XKR9: variants seen among roughly 807,000 people sequenced by gnomAD.
The protein encoded by XKR9 is XK related 9.
In XKR9, 32 loss-of-function variants were observed where a neutral mutation model predicts 32.0. The observed-to-expected ratio is 1.00, with a 90% CI of 0.76 to 1.34. The LOEUF (loss-of-function observed/expected upper bound fraction) is 1.34. Ranked by LOEUF, XKR9 falls within the 40% of genes most tolerant of loss-of-function variation. The pLI is 0.00. For missense variants in XKR9, 546 were observed against 429.7 expected, an observed-to-expected ratio of 1.27 and a Z score of -2.39; for synonymous variants, 168 against 143.4, an observed-to-expected ratio of 1.17 and a Z score of -1.22.
chr8:70,862,304 G>A, the XKR9 span, among the ~76,000 whole-genome samples: 4 of 152,096 alleles, frequency 2.6e-5, no homozygotes, highest in East Asian at 1.9e-4. Flanking sequence ...ACCCCACATA[G>A]TCTCTTATAA....
chr8:70,736,391 C>CA (rs1586875249), downstream of XKR9, among the ~76,000 whole-genome samples: 3 of 152,068 alleles, frequency 2.0e-5, no homozygotes, highest in East Asian at 5.8e-4. Context: ...GAGTAGGTTG[C>CA]GAACATTTTC....
chr8:70,730,495 T>C (rs1488528089), intron 4 of XKR9, among the ~76,000 whole-genome samples: 1 of 152,126 alleles, frequency 6.6e-6, no homozygotes, highest in Non-Finnish European at 1.5e-5. Flanking sequence ...CCACAGGTAA[T>C]TTTCCACATG....
At chr8:70,924,279 T>C in the XKR9 span, among the ~76,000 whole-genome samples, 1,611 of 152,312 alleles carry the variant, frequency 0.011, 35 homozygotes, top group African/African-American at 0.037. Context: ...CCCAAGACCA[T>C]TGTAACAGCT....
At chr8:70,864,775 TCTC>T in the XKR9 span, among the ~76,000 whole-genome samples, 1 of 152,136 alleles carries the variant, frequency 6.6e-6, no homozygotes, top group Non-Finnish European at 1.5e-5. Flanking sequence ...TCAGGGGTAA[TCTC>T]CTGGATAATT....
chr8:70,892,982 G>T, the XKR9 span, among the ~76,000 whole-genome samples: 1 of 151,646 alleles, frequency 6.6e-6, no homozygotes, highest in Non-Finnish European at 1.5e-5. Flanking sequence ...ACCAACATTT[G>T]TTTGCTTAGT....
the XKR9 span, among the ~76,000 whole-genome samples, chr8:71,002,992 C>T: frequency 2.6e-5 from 4 of 152,218 alleles, no homozygotes; most frequent in Admixed American, 6.5e-5. Context: ...TTCACATTCA[C>T]ATCTGTGTAC....
the XKR9 span, among the ~76,000 whole-genome samples, chr8:70,958,716 T>C: frequency 7.9e-5 from 12 of 152,162 alleles, no homozygotes; most frequent in Non-Finnish European, 1.6e-4. Flanking sequence ...CCATTTGTCA[T>C]TTTTTGCTTT....
chr8:70,877,318 T>C, the XKR9 span, among the ~76,000 whole-genome samples: 82,751 of 152,014 alleles, frequency 0.54, 23,480 homozygotes, highest in Middle Eastern at 0.62. Context: ...CACAGCCAAA[T>C]CATATCAAGT....
the XKR9 span, among the ~76,000 whole-genome samples, chr8:70,950,892 T>C: frequency 6.6e-5 from 10 of 152,162 alleles, 1 homozygote; most frequent in South Asian, 4.1e-4. Flanking sequence ...CAGGCTGTTC[T>C]TGAACTCCTG....
intron 4 of XKR9, among the ~76,000 whole-genome samples, chr8:70,726,718 T>G (rs1026783800): frequency 3.9e-5 from 6 of 152,212 alleles, no homozygotes; most frequent in African/African-American, 1.4e-4. Flanking sequence ...AAGAGTTTTT[T>G]GGGATGCTCA....
At chr8:70,969,028 C>T in the XKR9 span, among the ~76,000 whole-genome samples, 1 of 152,188 alleles carries the variant, frequency 6.6e-6, no homozygotes, top group South Asian at 2.1e-4. Flanking sequence ...ACTCTAAAGC[C>T]AGCAGGCTAG....
At chr8:70,868,933 A>C in the XKR9 span, among the ~76,000 whole-genome samples, 1 of 152,140 alleles carries the variant, frequency 6.6e-6, no homozygotes. Context: ...ACCTCTCTCA[A>C]GTTCAAAGTT....
At chr8:70,845,662 G>A in the XKR9 span, among the ~76,000 whole-genome samples, 1 of 152,032 alleles carries the variant, frequency 6.6e-6, no homozygotes, top group African/African-American at 2.4e-5. Flanking sequence ...TCATTCAAGA[G>A]CTTCAACAAT....
At chr8:70,737,398 A>G (rs1586875829), downstream of XKR9, among the ~76,000 whole-genome samples, 2 of 148,336 alleles carry the variant, frequency 1.3e-5, no homozygotes, top group African/African-American at 2.5e-5. Flanking sequence ...TAGATATACA[A>G]TCATGTCATC....
intron 4 of XKR9, among the ~76,000 whole-genome samples, chr8:70,710,410 A>G (rs1478357829): frequency 6.6e-6 from 1 of 152,106 alleles, no homozygotes; most frequent in Non-Finnish European, 1.5e-5. Context: ...GACTACAAAA[A>G]TGATTGCAGG....
the XKR9 span, among the ~76,000 whole-genome samples, chr8:70,803,588 TGTCCTTTGGA>T: frequency 3.3e-5 from 5 of 152,244 alleles, no homozygotes; most frequent in African/African-American, 1.2e-4. Context: ...TTGAAGTTGC[TGTCCTTTGGA>T]TGAGTTTTTT....
the XKR9 span, among the ~76,000 whole-genome samples, chr8:70,980,852 G>T: frequency 6.6e-6 from 1 of 152,104 alleles, no homozygotes; most frequent in Non-Finnish European, 1.5e-5. Flanking sequence ...AATTATCTTG[G>T]CATTTGTTTG....
intron 4 of XKR9, among the ~76,000 whole-genome samples, chr8:70,724,430 G>GAA (rs35676207): frequency 9.4e-4 from 135 of 143,036 alleles, no homozygotes; most frequent in South Asian, 3.0e-3. Flanking sequence ...ACTGGGGTAG[G>GAA]AAAAAAAAAA....
At chr8:70,770,604 G>A (rs1234115916) in intron 2 of XKR9, among the ~76,000 whole-genome samples, 2 of 152,214 alleles carry the variant, frequency 1.3e-5, no homozygotes, top group Admixed American at 6.5e-5. Flanking sequence ...TTTCAGAGAG[G>A]CCCTGCCCAG....
Sources: allele counts gnomAD v4.1 joint callset (sites outside exome capture counted in the v4.1 genomes callset), GRCh38; gene constraint gnomAD v4.1.1; transcripts MANE v1.5; gene names NCBI Gene and HGNC (gene_info 2026-07-23, HGNC 2026-07-21).